The following SPON1 variants were observed in gnomAD, a reference collection of about 807,000 sequenced individuals.
The protein encoded by SPON1 is spondin 1, also known as spondin-1.
Under a neutral mutation model 111.7 loss-of-function variants are expected in SPON1, and 52 were observed. The observed-to-expected ratio is 0.47, with a 90% CI of 0.37 to 0.59. The LOEUF is 0.59. Among genes scored for constraint, SPON1 ranks in the 20% least tolerant of loss-of-function variants. The pLI is 0.00. For synonymous variants in SPON1, 410 were observed against 395.8 expected (o/e 1.04, Z -0.43); for missense variants, 957 against 1,068.5 (o/e 0.90, Z 1.46).
chr11:14,196,727 C>T (rs1554935120), intron 6 of SPON1, among the ~76,000 whole-genome samples: 2 of 152,158 alleles, frequency 1.3e-5, no homozygotes, highest in Non-Finnish European at 2.9e-5. Flanking sequence ...CCTGCCTCTT[C>T]CAGAACTTTT....
intron 6 of SPON1, among the ~76,000 whole-genome samples, chr11:14,176,074 G>T (rs1848171491): frequency 6.6e-6 from 1 of 152,086 alleles, no homozygotes; most frequent in Admixed American, 6.5e-5. Flanking sequence ...TCATATTGGG[G>T]TCTCTGGGAA....
intron 7 of SPON1, among the ~76,000 whole-genome samples, chr11:14,251,144 G>T (rs1245068223): frequency 6.6e-6 from 1 of 152,196 alleles, no homozygotes; most frequent in Non-Finnish European, 1.5e-5. Flanking sequence ...CCTCCTCCAG[G>T]AAATGTTACA....
intron 15 of SPON1, among the ~76,000 whole-genome samples, chr11:14,263,501 A>AT (rs149364231): frequency 0.023 from 3,476 of 151,442 alleles, 162 homozygotes; most frequent in African/African-American, 0.079. Flanking sequence ...AGACTTTATG[A>AT]TTTTTTTTTG....
At chr11:14,128,336 G>A (rs1247314926) in intron 5 of SPON1, among the ~76,000 whole-genome samples, 1 of 152,180 alleles carries the variant, frequency 6.6e-6, no homozygotes, top group Admixed American at 6.5e-5. Flanking sequence ...TTCCAAATGG[G>A]AGAAATTGGC....
At chr11:14,045,336 G>T (rs1221099159) in intron 3 of SPON1, among the ~76,000 whole-genome samples, 1 of 152,244 alleles carries the variant, frequency 6.6e-6, no homozygotes, top group Non-Finnish European at 1.5e-5. Flanking sequence ...TTGGGAGGCC[G>T]AGCCGAGAGG....
In SPON1 at chr11:13,963,006, G is replaced by A; in HGVS notation, c.102G>A (p.Leu34=). The A allele has an allele frequency of 1.3e-6, 2 of 1,594,194 alleles. No individual in the cohort carries two copies. The highest frequency in any genetic ancestry group is 1.7e-6 in the Non-Finnish European group (2 of 1,171,498). ...AAALAFSDET[L]DKVPKSEGYC... ...CGCTGGCCTTCTCCGACGAGACCCTGGACAAAGTGCCCAAGTCAGAGGGCT... is the reference window on the plus strand; with the variant it reads ...CGCTGGCCTTCTCCGACGAGACCCTAGACAAAGTGCCCAAGTCAGAGGGCT... Residue 34 remains leucine, a synonymous_variant, in exon 1 of 16, where the codon CTG becomes CTA. Transcript: ENST00000576479.
chr11:14,216,379 C>T (rs1343253914), intron 6 of SPON1, among the ~76,000 whole-genome samples: 1 of 152,180 alleles, frequency 6.6e-6, no homozygotes, highest in African/African-American at 2.4e-5. Context: ...AAACAATGTG[C>T]AGATGCCTCC....
intron 5 of SPON1, among the ~76,000 whole-genome samples, chr11:14,083,687 C>T (rs1848981770): frequency 1.3e-5 from 2 of 152,194 alleles, no homozygotes; most frequent in African/African-American, 2.4e-5. Flanking sequence ...ATATCACTAC[C>T]AATCTCATCA....
intron 6 of SPON1, among the ~76,000 whole-genome samples, chr11:14,186,073 A>G (rs1045071855): frequency 6.6e-6 from 1 of 152,194 alleles, no homozygotes; most frequent in Non-Finnish European, 1.5e-5. Flanking sequence ...GATGATTGTT[A>G]TTATTTCTTT....
At chr11:14,257,620 A>G (rs1849123690) in intron 10 of SPON1, 96 bp from the exon 11 acceptor site, 4 of 1,219,004 alleles carry the variant, frequency 3.3e-6, no homozygotes, top group South Asian at 1.7e-5. Flanking sequence ...GTCTGGCAGC[A>G]TGGCTTTTCT....
At chr11:13,981,723 A>G (rs1237855840) in intron 1 of SPON1, among the ~76,000 whole-genome samples, 2 of 152,252 alleles carry the variant, frequency 1.3e-5, no homozygotes, top group Non-Finnish European at 2.9e-5. Context: ...GTGGCCCTCC[A>G]CAACATAAGT....
At chr11:13,994,684 T>C (rs1351310933) in intron 2 of SPON1, among the ~76,000 whole-genome samples, 1 of 152,114 alleles carries the variant, frequency 6.6e-6, no homozygotes, top group Non-Finnish European at 1.5e-5. Flanking sequence ...AGATGAGAGA[T>C]TTGGATTTAT....
chr11:14,024,933 A>G (rs144134567), intron 2 of SPON1, among the ~76,000 whole-genome samples: 1 of 152,358 alleles, frequency 6.6e-6, no homozygotes, highest in Non-Finnish European at 1.5e-5. Context: ...AGAACTGAAA[A>G]GAATCTGGAG....
At chr11:14,037,828 A>G (rs1848605477) in intron 2 of SPON1, among the ~76,000 whole-genome samples, 1 of 152,168 alleles carries the variant, frequency 6.6e-6, no homozygotes, top group Admixed American at 6.5e-5. Context: ...TTTGCAAAAG[A>G]CATATCTGAT....
chr11:14,160,977 A>ATATATT (rs1847939580), intron 6 of SPON1, among the ~76,000 whole-genome samples: 1 of 82,526 alleles, frequency 1.2e-5, no homozygotes, highest in Non-Finnish European at 2.1e-5. Flanking sequence ...ATATATTTTT[A>ATATATT]TATATTTATA....
At position 14,265,735 on chromosome 11, in the gene SPON1, A is replaced by G. The variant is rs1554942429; in HGVS notation, c.*48A>G. The G allele has an allele frequency of 1.3e-6, 2 of 1,578,774 alleles. No homozygotes were observed. Among genetic ancestry groups the G allele is most frequent in the African/African-American group, 2.7e-5 (2 of 73,774 alleles). ...CTGCACTCTAGATTCCAGAGTCACC[A>G]ATGGCTGGATTATTTGCTTGTTTAA... On this transcript the variant is annotated 3_prime_UTR_variant, in exon 16 of 16. Coordinates refer to ENST00000576479, the MANE Select transcript of SPON1 (RefSeq NM_006108.4).
chr11:14,009,480 T>C (rs1287897214), intron 2 of SPON1, among the ~76,000 whole-genome samples: 1 of 152,248 alleles, frequency 6.6e-6, no homozygotes, highest in Non-Finnish European at 1.5e-5. Context: ...TCAGCTCATA[T>C]ATAGCAAGTT....
At chr11:13,976,683 T>C (rs1554909080) in intron 1 of SPON1, among the ~76,000 whole-genome samples, 1 of 152,212 alleles carries the variant, frequency 6.6e-6, no homozygotes, top group Non-Finnish European at 1.5e-5. Flanking sequence ...AAACATTGTT[T>C]AGGAATCTTT....
At position 14,081,749 on chromosome 11, in the gene SPON1, A is replaced by AG. The variant is rs531137608; in HGVS notation, c.676+1733dup. ...GGATTTGGCTCAGGTCCCAAAGGAA[A>AG]GGGGGAGAAAAGGGCACATGATTGG... On this transcript the variant is annotated intron_variant, in intron 5 of 15. Coordinates refer to ENST00000576479, the MANE Select transcript of SPON1 (RefSeq NM_006108.4). Among the ~76,000 whole-genome samples, 63 of 152,240 alleles carry AG rather than the reference A, an allele frequency of 4.1e-4. No individual in the cohort carries two copies. In the South Asian group the frequency reaches 0.013, roughly 31 times the overall value.
Sources: gnomAD v4.1 joint callset for allele counts (sites outside exome capture counted in the v4.1 genomes callset) on GRCh38, gnomAD v4.1.1 for gene constraint, MANE v1.5 for transcripts, NCBI Gene and HGNC (gene_info 2026-07-23, HGNC 2026-07-21) for gene names.